The following TBCD variants were observed in gnomAD, a reference collection of about 807,000 sequenced individuals.
TBCD encodes tubulin-specific chaperone D.
TBCD carries 105 observed loss-of-function variants against 169.3 expected under a neutral mutation model. The observed-to-expected ratio is 0.62, with a 90% CI of 0.53 to 0.73. The LOEUF (loss-of-function observed/expected upper bound fraction) is 0.73. TBCD is among the 30% of genes least tolerant of loss of function. The probability of loss-of-function intolerance (pLI) is 0.00; values close to 1 mark genes in which losing one functional copy is unlikely to be tolerated. For synonymous variants in TBCD, 700 were observed against 643.9 expected (o/e 1.09, Z -1.32); for missense variants, 1,444 against 1,600.1 (o/e 0.90, Z 1.66).
intron 22 of TBCD, among the ~76,000 whole-genome samples, chr17:82,911,382 G>A (rs540998925): frequency 1.3e-5 from 2 of 152,308 alleles, no homozygotes; most frequent in African/African-American, 2.4e-5. Flanking sequence ...GCCTAGCTTC[G>A]CTCATGGTAG....
chr17:82,771,929 AAAAAAAC>A (rs1489011945), intron 5 of TBCD, among the ~76,000 whole-genome samples: 17 of 152,150 alleles, frequency 1.1e-4, no homozygotes, highest in Admixed American at 3.3e-4. Flanking sequence ...GTCTCAAAAA[AAAAAAAC>A]AAAAACAAAA....
At chr17:82,876,992 T>C (rs2058022522) in intron 14 of TBCD, 3 of 985,040 alleles carry the variant, frequency 3.0e-6, no homozygotes, top group Non-Finnish European at 3.6e-6. Context: ...GTGAGGATGG[T>C]AGATGATTTT....
At chr17:82,937,841 C>T in intron 35 of TBCD, 1 of 1,490,588 alleles carries the variant, frequency 6.7e-7, no homozygotes. Context: ...CCTCACTTCC[C>T]ACAGTGACTT....
intron 9 of TBCD, among the ~76,000 whole-genome samples, chr17:82,803,590 G>T (rs946612032): frequency 6.6e-5 from 10 of 152,188 alleles, no homozygotes; most frequent in African/African-American, 2.4e-4. Context: ...TCCTTGGTAC[G>T]GTGTAGAAAG....
At chr17:82,942,134 C>T in intron 38 of TBCD, 1 of 508,700 alleles carries the variant, frequency 2.0e-6, no homozygotes, top group Non-Finnish European at 3.5e-6. Flanking sequence ...CTGAACTCAA[C>T]AGCAGACTTT....
At chr17:82,840,157 C>CCCCAGCACTGGA (rs1459670315) in intron 13 of TBCD, 1 of 152,238 alleles carries the variant, frequency 6.6e-6, no homozygotes, top group African/African-American at 2.4e-5. Context: ...CGGGCAGCCT[C>CCCCAGCACTGGA]CCCAGCACTG....
chr17:82,818,685 G>A lies in TBCD; in HGVS notation c.1318+3751G>A, dbSNP rs148091240. On this transcript the variant is annotated intron_variant, in intron 13 of 38. Coordinates refer to ENST00000355528, the MANE Select transcript of TBCD (RefSeq NM_005993.5). ...TGTCACAGCTCATGCTCAGCCCTTC[G>A]GCCTCCTCCATGTCACACGGCTGAG... 5.9e-4 allele frequency among the ~76,000 whole-genome samples: 90 copies of A among 152,310 alleles called. No individual in the cohort carries two copies. In the East Asian group the frequency reaches 0.017, roughly 29 times the overall value.
rs551519689 is a variant in TBCD at position 82,922,132 on chromosome 17, G to A, written c.2178+555G>A. On this transcript the variant is annotated intron_variant, in intron 25 of 38. Transcript: ENST00000355528. The surrounding 1 kb of genome is among the most constrained non-coding windows in gnomAD (Gnocchi z 4.1). ...GAAACCATGGGCCCGGCGCAGTGGCGGGTGGATCACTTGAGGTCAGGAGTT... is the reference window on the plus strand; with the variant it reads ...GAAACCATGGGCCCGGCGCAGTGGCAGGTGGATCACTTGAGGTCAGGAGTT... 6.6e-5 allele frequency among the ~76,000 whole-genome samples: 10 copies of A among 152,322 alleles called. No individual in the cohort carries two copies. Among genetic ancestry groups the A allele is most frequent in the South Asian group, 6.2e-4 (3 of 4,822 alleles).
rs2048014773 is a variant in TBCD, at chr17:82,766,375, G to T, written c.435+7G>T. 6.2e-7 allele frequency: 1 copy of T among 1,605,544 alleles called. No homozygotes were observed. The highest frequency in any genetic ancestry group is 8.5e-7 in the Non-Finnish European group (1 of 1,174,698). ...GAATCCCAAGGACCATGAAGTGAGTGTCTCTGCCTCCCCCCTCGTCTCCAG... is the reference window on the plus strand; with the variant it reads ...GAATCCCAAGGACCATGAAGTGAGTTTCTCTGCCTCCCCCCTCGTCTCCAG... On this transcript the variant is annotated splice_region_variant and intron_variant, in intron 4 of 38. Transcript: ENST00000355528.
At chr17:82,896,368 G>T (rs2059477420) in intron 17 of TBCD, among the ~76,000 whole-genome samples, 1 of 152,108 alleles carries the variant, frequency 6.6e-6, no homozygotes. Flanking sequence ...TGCAGCTGCG[G>T]TGAACATGTG....
At chr17:82,791,433 G>A (rs979174164) in intron 7 of TBCD, among the ~76,000 whole-genome samples, 1 of 152,148 alleles carries the variant, frequency 6.6e-6, no homozygotes, top group South Asian at 2.1e-4. Context: ...CTCTGTGGTG[G>A]TTCACTTTTG....
rs2063578337 is a variant in TBCD, at chr17:82,944,910, G to T, written c.*2447G>T. On this transcript the variant is annotated 3_prime_UTR_variant, in exon 39 of 39. Transcript: ENST00000355528. Reference sequence around the variant, plus strand: ...TAAATAAGTCTTTTTCAAAGGAACAGCAGCAAGACTCTTATCTCAATCTAT... The same window carrying T: ...TAAATAAGTCTTTTTCAAAGGAACATCAGCAAGACTCTTATCTCAATCTAT... The T allele has an allele frequency of 6.6e-6, 1 of 152,196 alleles. No homozygotes were observed. The highest frequency in any genetic ancestry group is 2.4e-5 in the African/African-American group (1 of 41,444). 9.4% of individuals were successfully genotyped at this position (152,196 alleles called of 1,614,324 possible). A position where few individuals can be genotyped will look rare whatever the true frequency, so the allele number is the denominator to read the frequency against.
At chr17:82,845,557 G>A (rs568887744) in intron 13 of TBCD, among the ~76,000 whole-genome samples, 1 of 149,140 alleles carries the variant, frequency 6.7e-6, no homozygotes, top group South Asian at 2.2e-4. Flanking sequence ...GTGTGGCCCA[G>A]CCCCTTCCTC....
chr17:82,939,490 C>A lies in TBCD; in HGVS notation c.3479+14C>A. ...TGACACTGCGTGGTGAGTGAAGGCC[C>A]TTCCTGCACGGCCACCTGGGCCTGG... On this transcript the variant is annotated intron_variant, in intron 37 of 38. Coordinates refer to ENST00000355528, the MANE Select transcript of TBCD (RefSeq NM_005993.5). 1.2e-6 allele frequency: 2 copies of A among 1,603,992 alleles called. No homozygotes were observed. The highest frequency in any genetic ancestry group is 4.5e-5 in the East Asian group (2 of 44,672).
intron 13 of TBCD, chr17:82,830,005 TTG>T: frequency 1.5e-6 from 2 of 1,357,022 alleles, no homozygotes; most frequent in Admixed American, 4.3e-5. Flanking sequence ...TTTTGTTTGT[TTG>T]TTTGTTTGTT....
At chr17:82,798,289 G>C (rs1239417134) in intron 8 of TBCD, among the ~76,000 whole-genome samples, 1 of 152,122 alleles carries the variant, frequency 6.6e-6, no homozygotes, top group Non-Finnish European at 1.5e-5. Context: ...TGGGACTACA[G>C]GTGCCTGCCA....
At chr17:82,868,450 T>A (rs1204230800) in intron 13 of TBCD, among the ~76,000 whole-genome samples, 1 of 152,130 alleles carries the variant, frequency 6.6e-6, no homozygotes, top group Non-Finnish European at 1.5e-5. Context: ...GAGGAGGCAG[T>A]TTCCCTAGCC....
At chr17:82,859,092 GA>G (rs1480398315) in intron 13 of TBCD, among the ~76,000 whole-genome samples, 1 of 151,830 alleles carries the variant, frequency 6.6e-6, no homozygotes, top group Non-Finnish European at 1.5e-5. Context: ...TTTAGGGAAA[GA>G]GAGTCTCGTG....
At chr17:82,818,592 A>C (rs7208999) in intron 13 of TBCD, among the ~76,000 whole-genome samples, 4,363 of 151,826 alleles carry the variant, frequency 0.029, 229 homozygotes, top group African/African-American at 0.099. Context: ...ATAGTGAGAC[A>C]CCCTCTCTGA....
Sources: gnomAD v4.1 joint callset for allele counts (sites outside exome capture counted in the v4.1 genomes callset) on GRCh38, gnomAD v4.1.1 for gene constraint, Gnocchi (gnomAD v3.1) non-coding constraint, MANE v1.5 for transcripts, NCBI Gene and HGNC (gene_info 2026-07-23, HGNC 2026-07-21) for gene names.